FMN1: variants seen among roughly 807,000 people sequenced by gnomAD.
FMN1 encodes formin-1.
In FMN1, 110 loss-of-function variants were observed where a neutral mutation model predicts 132.4. The ratio of observed to expected loss-of-function variants is 0.83; its 90% confidence interval spans 0.71 to 0.97. FMN1 has a LOEUF of 0.97. FMN1 is among the 50% of genes least tolerant of loss of function. FMN1 has a pLI of 0.00. For synonymous variants in FMN1, 722 were observed against 651.7 expected (o/e 1.11, Z -1.64); for missense variants, 1,792 against 1,705.3 (o/e 1.05, Z -0.90).
At chr15:33,067,021 G>C in intron 5 of FMN1, 1 of 1,613,964 alleles carries the variant, frequency 6.2e-7, no homozygotes, top group Non-Finnish European at 8.5e-7. Context: ...CTCCCTCAGC[G>C]GTAGCCCCCT....
intron 7 of FMN1, among the ~76,000 whole-genome samples, chr15:32,971,382 T>C (rs1216810872): frequency 1.3e-5 from 2 of 152,218 alleles, no homozygotes; most frequent in African/African-American, 4.8e-5. Context: ...ATAAGCAAAG[T>C]ACTGCAAATA....
intron 6 of FMN1, among the ~76,000 whole-genome samples, chr15:33,042,448 A>T (rs1285062969): frequency 3.3e-5 from 5 of 152,226 alleles, no homozygotes; most frequent in Admixed American, 3.3e-4. Flanking sequence ...TTAGAGGAAA[A>T]AAACAAATTG....
At chr15:32,945,216 T>G (rs985868805) in intron 9 of FMN1, among the ~76,000 whole-genome samples, 3 of 152,204 alleles carry the variant, frequency 2.0e-5, no homozygotes, top group African/African-American at 7.2e-5. Context: ...CTTAGCACGG[T>G]GCCAATACAT....
At chr15:32,778,467 T>A (rs1345605706) in intron 19 of FMN1, among the ~76,000 whole-genome samples, 4 of 151,904 alleles carry the variant, frequency 2.6e-5, no homozygotes, top group Admixed American at 2.6e-4. Flanking sequence ...AGACAAATTA[T>A]ACCCCCTCCT....
intron 7 of FMN1, among the ~76,000 whole-genome samples, chr15:32,979,299 T>C (rs1250298264): frequency 6.6e-6 from 1 of 152,122 alleles, no homozygotes; most frequent in Admixed American, 6.5e-5. Context: ...TTCACACCTG[T>C]AATCCCAGCA....
intron 6 of FMN1, among the ~76,000 whole-genome samples, chr15:33,021,610 C>T (rs1200919464): frequency 2.6e-5 from 4 of 152,114 alleles, no homozygotes; most frequent in Non-Finnish European, 5.9e-5. Context: ...TCAGGAAATT[C>T]GTGGCTATAT....
chr15:32,776,964 A>AGG (rs2056439820), intron 19 of FMN1, 45 bp from the exon 20 acceptor site: 12 of 1,171,576 alleles, frequency 1.0e-5, no homozygotes, highest in Middle Eastern at 1.9e-4. Context: ...GGGAAAAGAA[A>AGG]GGAAGAGGGA....
At chr15:32,914,412 G>A (rs1596261132) in intron 10 of FMN1, among the ~76,000 whole-genome samples, 1 of 152,130 alleles carries the variant, frequency 6.6e-6, no homozygotes, top group African/African-American at 2.4e-5. Flanking sequence ...AAAATGTTTA[G>A]GCAATGGCAG....
intron 15 of FMN1, among the ~76,000 whole-genome samples, chr15:32,888,876 GGA>G (rs1218076206): frequency 2.3e-4 from 23 of 97,908 alleles, no homozygotes; most frequent in Non-Finnish European, 4.6e-4. Flanking sequence ...TTTTTTTTTT[GGA>G]GATAGGGCCT....
chr15:33,107,557 C>T (rs886155538), intron 4 of FMN1, among the ~76,000 whole-genome samples: 1 of 152,108 alleles, frequency 6.6e-6, no homozygotes, highest in Non-Finnish European at 1.5e-5. Flanking sequence ...TGACACCAAC[C>T]TCATTCCTGC....
intron 4 of FMN1, chr15:33,151,505 G>A (rs953854717): frequency 2.2e-6 from 2 of 924,678 alleles, no homozygotes. Context: ...AATGTGCTCT[G>A]TGTGCCTGCC....
At chr15:32,833,101 TTTA>T (rs2058541892) in intron 17 of FMN1, among the ~76,000 whole-genome samples, 1 of 152,250 alleles carries the variant, frequency 6.6e-6, no homozygotes, top group African/African-American at 2.4e-5. Flanking sequence ...CCAGCAGCTG[TTTA>T]TTAAATGCCC....
intron 10 of FMN1, among the ~76,000 whole-genome samples, chr15:32,911,573 G>GT (rs1451438980): frequency 6.6e-6 from 1 of 152,110 alleles, no homozygotes; most frequent in African/African-American, 2.4e-5. Flanking sequence ...TTCTTCTGTG[G>GT]TTTAGAATCA....
At chr15:33,031,089 C>A (rs1056620639) in intron 6 of FMN1, among the ~76,000 whole-genome samples, 1 of 151,804 alleles carries the variant, frequency 6.6e-6, no homozygotes, top group Admixed American at 6.6e-5. Context: ...TTACCACATC[C>A]GTGTTAGAAG....
intron 6 of FMN1, among the ~76,000 whole-genome samples, chr15:33,045,262 G>T (rs1314866485): frequency 6.6e-6 from 1 of 152,184 alleles, no homozygotes; most frequent in African/African-American, 2.4e-5. Flanking sequence ...GCAGTGGCTG[G>T]ACCCCATGCT....
At chr15:32,775,286 T>C (rs1462113712) in intron 20 of FMN1, among the ~76,000 whole-genome samples, 1 of 152,174 alleles carries the variant, frequency 6.6e-6, no homozygotes, top group Non-Finnish European at 1.5e-5. Flanking sequence ...GGAATCAGTT[T>C]ACAAGCTCTT....
Position 33,153,086 on chromosome 15 carries a change from C to T in FMN1, c.1829G>A (p.Gly610Glu). 1 of 1,535,288 alleles carries T rather than the reference C, an allele frequency of 6.5e-7. No homozygotes were observed. The highest frequency in any genetic ancestry group is 8.7e-7 in the Non-Finnish European group (1 of 1,146,572). ...GTGCTGGGGCTCAGCTGTGGTCTTCCCTGGCCCCAAGCTCTTTTCCAAAGT... is the reference window on the plus strand; with the variant it reads ...GTGCTGGGGCTCAGCTGTGGTCTTCTCTGGCCCCAAGCTCTTTTCCAAAGT... ...GETLEKSLGP[G>E]KTTAEPQHQS... Residue 610 changes from glycine (G) to glutamate (E), a missense_variant, in exon 4 of 21, where the codon GGG (glycine) becomes GAG (glutamate). Physicochemically the swap from Gly to Glu is moderately conservative, Grantham distance 98. This residue lies in a region of FMN1 where 1,150 missense variants were observed against 1,043.1 expected (regional missense o/e 1.10). Transcript: ENST00000616417.
chr15:33,027,865 C>G (rs928073107), intron 6 of FMN1, among the ~76,000 whole-genome samples: 1 of 152,150 alleles, frequency 6.6e-6, no homozygotes, highest in African/African-American at 2.4e-5. Flanking sequence ...GATTCACAGC[C>G]AAAATACAGT....
intron 3 of FMN1, among the ~76,000 whole-genome samples, chr15:33,156,792 T>C (rs1964689336): frequency 6.6e-6 from 1 of 152,136 alleles, no homozygotes; most frequent in South Asian, 2.1e-4. Context: ...CACTAAGCAT[T>C]AGGAGTTCAA....
Sources: gnomAD v4.1 joint callset for allele counts (sites outside exome capture counted in the v4.1 genomes callset) on GRCh38, gnomAD v4.1.1 for gene constraint, gnomAD v4.1.1 regional missense constraint, MANE v1.5 for transcripts, NCBI Gene and HGNC (gene_info 2026-07-23, HGNC 2026-07-21) for gene names.